The following ROBO2 variants were observed in gnomAD, a reference collection of about 807,000 sequenced individuals.
ROBO2 encodes the protein roundabout guidance receptor 2.
A neutral mutation model predicts 160.8 loss-of-function variants in ROBO2; 53 were observed. The ratio of observed to expected loss-of-function variants is 0.33; its 90% CI spans 0.26 to 0.41. ROBO2 has a LOEUF of 0.41. ROBO2 is among the 10% of genes least tolerant of loss of function. The pLI is 1.00. For synonymous variants in ROBO2, 664 were observed against 611.7 expected, an observed-to-expected ratio of 1.09 and a Z score of -1.26; for missense variants, 1,577 against 1,722.4, an observed-to-expected ratio of 0.92 and a Z score of 1.49.
chr3:76,904,537 C>G (rs2075458355), intron 2 of ROBO2, among the ~76,000 whole-genome samples: 1 of 152,098 alleles, frequency 6.6e-6, no homozygotes, highest in Admixed American at 6.6e-5. Flanking sequence ...AGATGCAGTA[C>G]CAGTTTCATC....
intron 2 of ROBO2, among the ~76,000 whole-genome samples, chr3:76,290,748 T>G (rs990352898): frequency 6.6e-6 from 1 of 152,144 alleles, no homozygotes; most frequent in Non-Finnish European, 1.5e-5. Flanking sequence ...TGAATTTTAT[T>G]GAAAGACTTT....
At chr3:77,501,431 T>C (rs576604995) in intron 5 of ROBO2, among the ~76,000 whole-genome samples, 2 of 152,372 alleles carry the variant, frequency 1.3e-5, no homozygotes, top group East Asian at 1.9e-4. Context: ...AATATATTTC[T>C]AACTGATTTT....
chr3:76,250,221 G>A (rs1705903472), intron 2 of ROBO2, among the ~76,000 whole-genome samples: 1 of 152,012 alleles, frequency 6.6e-6, no homozygotes. Flanking sequence ...TCAAAACCAG[G>A]TGTGAATAAA....
intron 2 of ROBO2, among the ~76,000 whole-genome samples, chr3:76,473,948 A>T (rs1360881482): frequency 6.6e-6 from 1 of 152,094 alleles, no homozygotes; most frequent in East Asian, 1.9e-4. Flanking sequence ...GACCCTATGG[A>T]TTTTAACCTT....
At chr3:76,800,400 C>CA (rs946221790) in intron 2 of ROBO2, among the ~76,000 whole-genome samples, 10 of 151,508 alleles carry the variant, frequency 6.6e-5, no homozygotes, top group Non-Finnish European at 1.3e-4. Context: ...ATCTTCTGCA[C>CA]AAAAAAGGAA....
intron 2 of ROBO2, among the ~76,000 whole-genome samples, chr3:76,492,197 G>A (rs59012612): frequency 0.27 from 40,325 of 151,980 alleles, 6,490 homozygotes; most frequent in African/African-American, 0.44. Context: ...TATAGGCTCA[G>A]TGATAAAAGC....
chr3:76,292,963 G>GTT (rs5850246), intron 2 of ROBO2, among the ~76,000 whole-genome samples: 25 of 141,760 alleles, frequency 1.8e-4, no homozygotes, highest in African/African-American at 4.3e-4. Context: ...AAGTACTAGG[G>GTT]TTTTTTTTTT....
chr3:77,100,435 A>G (rs1269791023), intron 2 of ROBO2, among the ~76,000 whole-genome samples: 1 of 152,096 alleles, frequency 6.6e-6, no homozygotes, highest in Admixed American at 6.5e-5. Flanking sequence ...CATAAAACAT[A>G]TTAATATGGA....
chr3:76,775,947 T>C (rs2062223795), intron 2 of ROBO2, among the ~76,000 whole-genome samples: 1 of 150,860 alleles, frequency 6.6e-6, no homozygotes, highest in South Asian at 2.1e-4. Context: ...GCAATATCCA[T>C]GTCTGTAAAG....
chr3:77,379,927 C>A lies in ROBO2; in HGVS notation c.389-97487C>A, dbSNP rs2073213978. Reference sequence around the variant, plus strand: ...AACTCAGTTGTTAGCTTTCACCCTGCACCTCTCAGCTCACTGCATACAGGC... The same window carrying A: ...AACTCAGTTGTTAGCTTTCACCCTGAACCTCTCAGCTCACTGCATACAGGC... On this transcript the variant is annotated intron_variant, in intron 2 of 25. Coordinates refer to ENST00000461745, the Ensembl canonical transcript of ROBO2. 2.6e-5 allele frequency among the ~76,000 whole-genome samples: 4 copies of A among 152,090 alleles called. No individual in the cohort carries two copies. In the South Asian group the frequency reaches 8.3e-4, roughly 32 times the overall value.
chr3:77,211,491 T>C (rs1239467900), intron 2 of ROBO2, among the ~76,000 whole-genome samples: 8 of 152,248 alleles, frequency 5.3e-5, no homozygotes. Context: ...ATTAGCCCTT[T>C]GTCAGATGAG....
intron 2 of ROBO2, among the ~76,000 whole-genome samples, chr3:77,401,234 T>C (rs2153511818): frequency 6.6e-6 from 1 of 150,498 alleles, no homozygotes; most frequent in Admixed American, 6.6e-5. Flanking sequence ...TTTCTGCTGG[T>C]CATGTACTAC....
rs146799925 is a variant in ROBO2, at chr3:76,457,503, C to G, written c.109+519901C>G. Among the ~76,000 whole-genome samples, 180 of 152,300 alleles carry G rather than the reference C, an allele frequency of 1.2e-3. 2 individuals carry two copies. Among genetic ancestry groups the G allele is most frequent in the Admixed American group, 7.3e-3 (111 of 15,300 alleles). ...CCTCCCTCCCTGCTGCTTTCATGGACTGACATCGAGTGTCTGCAGCTTTTC... is the reference window on the plus strand; with the variant it reads ...CCTCCCTCCCTGCTGCTTTCATGGAGTGACATCGAGTGTCTGCAGCTTTTC... On this transcript the variant is annotated intron_variant, in intron 2 of 26. Coordinates refer to the ROBO2 transcript ENST00000487694.
chr3:76,421,520 A>T (rs571145090), intron 2 of ROBO2, among the ~76,000 whole-genome samples: 1 of 152,228 alleles, frequency 6.6e-6, no homozygotes, highest in South Asian at 2.1e-4. Flanking sequence ...TGAGGTCAGG[A>T]GTGTGACACC....
intron 2 of ROBO2, among the ~76,000 whole-genome samples, chr3:77,100,566 AT>A (rs1365911590): frequency 6.6e-6 from 1 of 151,704 alleles, no homozygotes; most frequent in African/African-American, 2.4e-5. Context: ...TGGCCTTCAT[AT>A]TTTAGAAAAC....
intron 5 of ROBO2, among the ~76,000 whole-genome samples, chr3:77,506,295 A>G (rs570706053): frequency 6.6e-6 from 1 of 152,282 alleles, no homozygotes; most frequent in East Asian, 1.9e-4. Flanking sequence ...CTCAAAATAT[A>G]CTGCGTGGTG....
intron 2 of ROBO2, among the ~76,000 whole-genome samples, chr3:77,028,816 A>C (rs552862976): frequency 2.2e-4 from 33 of 152,300 alleles, no homozygotes; most frequent in African/African-American, 7.9e-4. Flanking sequence ...CCATGTTGCC[A>C]TATATATAGC....
At chr3:76,086,060 A>G (rs761700055) in intron 2 of ROBO2, among the ~76,000 whole-genome samples, 202 of 152,280 alleles carry the variant, frequency 1.3e-3, no homozygotes, top group Non-Finnish European at 2.5e-3. Context: ...AAAATATCCT[A>G]TGTATTAGTC....
chr3:77,416,300 C>A (rs928832866), intron 2 of ROBO2, among the ~76,000 whole-genome samples: 7 of 152,054 alleles, frequency 4.6e-5, no homozygotes, highest in African/African-American at 1.7e-4. Context: ...TGGCTAAAGG[C>A]CTTAAGGAAG....
Sources: allele counts gnomAD v4.1 joint callset (sites outside exome capture counted in the v4.1 genomes callset), GRCh38; gene constraint gnomAD v4.1.1; transcripts MANE v1.5; gene names NCBI Gene and HGNC (gene_info 2026-07-23, HGNC 2026-07-21).